OR8K3: variants seen among roughly 807,000 people sequenced by gnomAD.
OR8K3 encodes olfactory receptor family 8 subfamily K member 3 (gene/pseudogene), also known as olfactory receptor 8K3.
For missense variants in OR8K3, 448 were observed against 367.4 expected (o/e 1.22, Z -1.79); for synonymous variants, 167 against 138.8 (o/e 1.20, Z -1.43).
At position 56,319,489 on chromosome 11, in the gene OR8K3, G is replaced by A. The variant is rs1854496481; in HGVS notation, c.*244G>A. On this transcript the variant is annotated 3_prime_UTR_variant, in exon 3 of 3. Transcript: ENST00000641662. ...TTTTATATAACAGTAGAATGTGCACGATGGATATAGACAAAGAAAAAAGGG... is the reference window on the plus strand; with the variant it reads ...TTTTATATAACAGTAGAATGTGCACAATGGATATAGACAAAGAAAAAAGGG... 1 of 439,564 alleles carries A rather than the reference G, an allele frequency of 2.3e-6. No individual in the cohort carries two copies. The highest frequency in any genetic ancestry group is 2.0e-5 in the African/African-American group (1 of 50,848). 27.2% of individuals were successfully genotyped at this position (439,564 alleles called of 1,614,324 possible).
In OR8K3 at chr11:56,315,145, T is replaced by G. The variant is rs1050522150; in HGVS notation, c.-104T>G. On this transcript the variant is annotated 5_prime_UTR_variant, in exon 1 of 3. Transcript: ENST00000641662. ...GCCATGTGAGAGACACATGGAGGAG[T>G]CAAGACAGAGGCTTCCTTACAGGTA... is the stretch of plus-strand genomic sequence containing the variant. The G allele has an allele frequency of 1.3e-5, 2 of 150,212 alleles. No individual in the cohort carries two copies. Among genetic ancestry groups the G allele is most frequent in the African/African-American group, 4.9e-5 (2 of 40,462 alleles). The allele number at this position is 150,212 out of a possible 1,614,324, so 9.3% of individuals were successfully genotyped here. A position where few individuals can be genotyped will look rare whatever the true frequency, so the allele number is the denominator to read the frequency against.
intron 1 of OR8K3, 112 bp from the exon 2 acceptor site, chr11:56,315,888 G>A (rs1274284321): frequency 6.6e-6 from 1 of 151,842 alleles, no homozygotes; most frequent in East Asian, 1.9e-4. Context: ...TTTCCACTAA[G>A]AGTTGACAAA....
rs1854480869 is a variant in OR8K3, at chr11:56,318,693, T to C, written c.387T>C (p.Pro129=). Residue 129 remains proline (P), a synonymous_variant, in exon 3 of 3, where the codon CCT becomes CCC. Coordinates refer to ENST00000641662, the MANE Select transcript of OR8K3 (RefSeq NM_001005202.2). ...SYDLYVAICN[P]LLYTVIMSRR... The stretch of plus-strand genomic sequence containing the variant: ...ACCTCTATGTGGCCATCTGTAACCC[T>C]CTGCTATACACAGTAATCATGTCAC... 3.1e-6 allele frequency: 5 copies of C among 1,613,946 alleles called. No individual in the cohort carries two copies. Among genetic ancestry groups the C allele is most frequent in the Non-Finnish European group, 4.2e-6 (5 of 1,179,900 alleles).
chr11:56,319,226 T>A lies in OR8K3; in HGVS notation c.920T>A (p.Leu307Ter), dbSNP rs1854493032. The A allele has an allele frequency of 1.3e-6, 2 of 1,597,168 alleles. No individual in the cohort carries two copies. Among genetic ancestry groups the A allele is most frequent in the Non-Finnish European group, 1.7e-6 (2 of 1,166,394 alleles). The stretch of plus-strand genomic sequence containing the variant: ...GCCCTACGAAGGACATGGAATAACT[T>A]ATGTAATATTTTTGTTTAAATTTTG... ...KYALRRTWNN[L>*]CNIFV The change falls in exon 3 of 3, where the codon TTA (leucine) becomes TAA (stop). Residue 307 changes from leucine to a stop codon, truncating the protein, a stop_gained. Coordinates refer to ENST00000641662, the MANE Select transcript of OR8K3 (RefSeq NM_001005202.2). LOFTEE classifies it low-confidence loss of function (END_TRUNC).
In OR8K3 at chr11:56,319,777, G is replaced by A. The variant is rs1854500221; in HGVS notation, c.*532G>A. 1 of 152,932 alleles carries A rather than the reference G, an allele frequency of 6.5e-6. No individual in the cohort carries two copies. Among genetic ancestry groups the A allele is most frequent in the Non-Finnish European group, 1.5e-5 (1 of 68,562 alleles). 9.5% of individuals were successfully genotyped at this position (152,932 alleles called of 1,614,324 possible). A position where few individuals can be genotyped will look rare whatever the true frequency, so the allele number is the denominator to read the frequency against. Reference sequence around the variant, plus strand: ...TGTGATGATTTTAAGTCTTACAGATGTGCTCGAATAATTACTATTCCGAAT... The same window carrying A: ...TGTGATGATTTTAAGTCTTACAGATATGCTCGAATAATTACTATTCCGAAT... On this transcript the variant is annotated 3_prime_UTR_variant, in exon 3 of 3. Coordinates refer to ENST00000641662, the MANE Select transcript of OR8K3 (RefSeq NM_001005202.2).
chr11:56,318,706 G>C lies in OR8K3; in HGVS notation c.400G>C (p.Val134Leu). 6.2e-7 allele frequency: 1 copy of C among 1,613,932 alleles called. No individual in the cohort carries two copies. The change falls in exon 3 of 3, where the codon GTA becomes CTA. Residue 134 changes from valine to leucine, a missense_variant. Coordinates refer to ENST00000641662, the MANE Select transcript of OR8K3 (RefSeq NM_001005202.2). ...CATCTGTAACCCTCTGCTATACACAGTAATCATGTCACGAAGGGTATGTCA... is the reference window on the plus strand; with the variant it reads ...CATCTGTAACCCTCTGCTATACACACTAATCATGTCACGAAGGGTATGTCA... ...VAICNPLLYTVIMSRRVCQVL... is the reference protein window; with the variant it reads ...VAICNPLLYTLIMSRRVCQVL...
chr11:56,319,241 T>C lies in OR8K3; in HGVS notation c.935T>C (p.Val312Ala), dbSNP rs1409557966. 2 of 1,577,922 alleles carry C rather than the reference T, an allele frequency of 1.3e-6. No homozygotes were observed. The highest frequency in any genetic ancestry group is 1.1e-5 in the South Asian group (1 of 89,632). Residue 312 changes from valine to alanine, a missense_variant, in exon 3 of 3, where the codon GTT becomes GCT. Physicochemically the swap from Val to Ala is moderately conservative, Grantham distance 64 (BLOSUM62 0). Transcript: ENST00000641662. The part of the protein sequence containing the change: ...RTWNNLCNIF[V>A] The stretch of plus-strand genomic sequence containing the variant: ...TGGAATAACTTATGTAATATTTTTG[T>C]TTAAATTTTGTACAATATGATTCCT...
chr11:56,318,896 T>C lies in OR8K3; in HGVS notation c.590T>C (p.Leu197Ser). The C allele has an allele frequency of 6.2e-7, 1 of 1,613,760 alleles. No homozygotes were observed. Among genetic ancestry groups the C allele is most frequent in the Non-Finnish European group, 8.5e-7 (1 of 1,179,630 alleles). Residue 197 changes from leucine to serine, a missense_variant, in exon 3 of 3, where the codon TTG (leucine) becomes TCG (serine). Transcript: ENST00000641662. The stretch of plus-strand genomic sequence containing the variant: ...TGTTCAAATACACATGAAATTGAAT[T>C]GATAATTCTGATCTTTGCAGCTATT... ...LLCSNTHEIELIILIFAAIDL... is the reference protein window; with the variant it reads ...LLCSNTHEIESIILIFAAIDL...
Position 56,319,240 on chromosome 11 carries a change from G to A in OR8K3, c.934G>A (p.Val312Ile). ...ATGGAATAACTTATGTAATATTTTT[G>A]TTTAAATTTTGTACAATATGATTCC... ...RTWNNLCNIF[V>I] is the part of the protein sequence containing the mutation. Residue 312 changes from valine (V) to isoleucine (I), a missense_variant, in exon 3 of 3, where the codon GTT (valine) becomes ATT (isoleucine). Coordinates refer to ENST00000641662, the MANE Select transcript of OR8K3 (RefSeq NM_001005202.2). The A allele has an allele frequency of 6.3e-7, 1 of 1,581,244 alleles. No individual in the cohort carries two copies. Among genetic ancestry groups the A allele is most frequent in the Non-Finnish European group, 8.7e-7 (1 of 1,153,278 alleles).
At chr11:56,315,263 G>T (rs1276207877) in intron 1 of OR8K3, 96 bp downstream of exon 1, 1 of 151,794 alleles carries the variant, frequency 6.6e-6, no homozygotes, top group Admixed American at 6.6e-5. Flanking sequence ...ACTTTAATTT[G>T]ATGACATAAC....
intron 2 of OR8K3, among the ~76,000 whole-genome samples, chr11:56,317,876 A>G (rs769374420): frequency 3.3e-5 from 5 of 151,756 alleles, no homozygotes; most frequent in Non-Finnish European, 7.4e-5. Context: ...CTATCTATCT[A>G]TCATCTGTCT....
rs1854502355 is a variant in OR8K3, at chr11:56,319,889, T to TA, written c.*647dup. On this transcript the variant is annotated 3_prime_UTR_variant, in exon 3 of 3. Transcript: ENST00000641662. ...ACATACTTTGTAGCTCAATAATCGG[T>TA]AAATTCTGATTAGCACCTGATTTTG... is the stretch of plus-strand genomic sequence containing the variant. 6.6e-6 allele frequency: 1 copy of TA among 152,280 alleles called. No homozygotes were observed. The highest frequency in any genetic ancestry group is 6.5e-5 in the Admixed American group (1 of 15,282). The allele number at this position is 152,280 out of a possible 1,614,324, so 9.4% of individuals were successfully genotyped here. A position where few individuals can be genotyped will look rare whatever the true frequency, so the allele number is the denominator to read the frequency against.
chr11:56,317,163 T>TA lies in OR8K3; in HGVS notation c.-23-1113dup, dbSNP rs567456717. Among the ~76,000 whole-genome samples the TA allele has an allele frequency of 3.5e-3, 537 of 151,714 alleles. 3 individuals carry two copies. Among genetic ancestry groups the TA allele is most frequent in the African/African-American group, 0.012 (505 of 41,428 alleles). On this transcript the variant is annotated intron_variant, in intron 2 of 2. Transcript: ENST00000641662. ...TCAGAATAATGTATGTGTACACATG[T>TA]AAAAAAAACCTCTTTCAAGTAAGGC...
At position 56,318,363 on chromosome 11, in the gene OR8K3, T is replaced by A; in HGVS notation, c.57T>A (p.Asp19Glu). 1 of 1,613,878 alleles carries A rather than the reference T, an allele frequency of 6.2e-7. No individual in the cohort carries two copies. The highest frequency in any genetic ancestry group is 8.5e-7 in the Non-Finnish European group (1 of 1,179,824). The change falls in exon 3 of 3, where the codon GAT becomes GAA. Residue 19 changes from aspartate to glutamate, a missense_variant. Transcript: ENST00000641662. ...VNEFILTGITDIAELQAPLFA... is the reference protein window; with the variant it reads ...VNEFILTGITEIAELQAPLFA... ...AATTCATTCTTACGGGAATCACAGA[T>A]ATCGCTGAGCTGCAGGCACCATTAT...
Position 56,318,468 on chromosome 11 carries a change from G to T in OR8K3, c.162G>T (p.Arg54Ser), listed in dbSNP as rs1192870254. 6 of 1,614,104 alleles carry T rather than the reference G, an allele frequency of 3.7e-6. No individual in the cohort carries two copies. The South Asian group carries it at 6.6e-5, about 18-fold the overall frequency. ...TTGTCCTCACCAAGTTGGACTCCAG[G>T]TTGCAAACCCCTATGTACTTTTTTC... is the stretch of plus-strand genomic sequence containing the variant. ...GMIVLTKLDSRLQTPMYFFLR... is the reference protein window; with the variant it reads ...GMIVLTKLDSSLQTPMYFFLR... Residue 54 changes from arginine to serine, a missense_variant, in exon 3 of 3, where the codon AGG (arginine) becomes AGT (serine). Transcript: ENST00000641662.
Position 56,318,843 on chromosome 11 carries a change from T to C in OR8K3, c.537T>C (p.Cys179=). Residue 179 remains cysteine, a synonymous_variant, in exon 3 of 3, where the codon TGT becomes TGC. Coordinates refer to ENST00000641662, the MANE Select transcript of OR8K3 (RefSeq NM_001005202.2). ...CGYNVISHFY[C]DSLPLLPLLC... The stretch of plus-strand genomic sequence containing the variant: ...ACAACGTCATTAGTCATTTCTACTG[T>C]GACAGTCTCCCTTTGTTACCTTTGC... The C allele has an allele frequency of 6.2e-7, 1 of 1,614,160 alleles. No individual in the cohort carries two copies. The highest frequency in any genetic ancestry group is 1.6e-4 in the Middle Eastern group (1 of 6,062).
chr11:56,318,574 A>C lies in OR8K3; in HGVS notation c.268A>C (p.Asn90His). Residue 90 changes from asparagine (N) to histidine (H), a missense_variant, in exon 3 of 3, where the codon AAT becomes CAT. Physicochemically the swap from Asn to His is moderately conservative, Grantham distance 68. Transcript: ENST00000641662. ...KMLVNFVVDK[N>H]IISYYFCATQ... ...GTTAGTAAATTTTGTTGTGGATAAGAATATAATTTCTTATTATTTTTGTGC... is the reference window on the plus strand; with the variant it reads ...GTTAGTAAATTTTGTTGTGGATAAGCATATAATTTCTTATTATTTTTGTGC... The C allele has an allele frequency of 6.2e-7, 1 of 1,613,494 alleles. No homozygotes were observed. The highest frequency in any genetic ancestry group is 8.5e-7 in the Non-Finnish European group (1 of 1,179,704).
In OR8K3 at chr11:56,319,444, T is replaced by C. The variant is rs970676888; in HGVS notation, c.*199T>C. ...TTGCCTTCCTTGATGGATAGATGAA[T>C]TGTATTCACAATAAGTCCATTTTAT... On this transcript the variant is annotated 3_prime_UTR_variant, in exon 3 of 3. Transcript: ENST00000641662. The C allele has an allele frequency of 1.3e-5, 7 of 558,388 alleles. No homozygotes were observed. Among genetic ancestry groups the C allele is most frequent in the South Asian group, 2.4e-5 (1 of 41,160 alleles). 34.6% of individuals were successfully genotyped at this position (558,388 alleles called of 1,614,324 possible).
intron 2 of OR8K3, among the ~76,000 whole-genome samples, chr11:56,316,410 C>A (rs1226120663): frequency 3.0e-5 from 4 of 133,992 alleles, no homozygotes; most frequent in African/African-American, 1.1e-4. Flanking sequence ...TTTCTTTTTT[C>A]AAAAAACATT....
Sources: allele counts gnomAD v4.1 joint callset (sites outside exome capture counted in the v4.1 genomes callset), GRCh38; gene constraint gnomAD v4.1.1; transcripts MANE v1.5; gene names NCBI Gene and HGNC (gene_info 2026-07-23, HGNC 2026-07-21).